XKR4: variants seen among roughly 807,000 people sequenced by gnomAD.
The protein encoded by XKR4 is XK-related protein 4.
A neutral mutation model predicts 53.9 loss-of-function variants in XKR4; 12 were observed. The observed-to-expected ratio is 0.22, with a 90% CI of 0.14 to 0.36. The LOEUF (loss-of-function observed/expected upper bound fraction) is 0.36, where lower values mean the gene tolerates loss of function less well. Ranked by LOEUF, XKR4 falls within the 10% of genes least tolerant of loss-of-function variation. XKR4 has a pLI of 1.00. For synonymous variants in XKR4, 354 were observed against 362.4 expected (o/e 0.98, Z 0.26); for missense variants, 799 against 859.5 (o/e 0.93, Z 0.88).
chr8:55,437,187 A>G (rs1805189357), intron 2 of XKR4, among the ~76,000 whole-genome samples: 1 of 152,052 alleles, frequency 6.6e-6, no homozygotes, highest in Admixed American at 6.6e-5. Context: ...ATTTTCTTTT[A>G]TATCTTTTTT....
rs146483467 is a variant in XKR4, at chr8:55,306,730, C to T, written c.807-50948C>T. On this transcript the variant is annotated intron_variant, in intron 1 of 2. Transcript: ENST00000327381. ...ATTCAAGATGAGATTTGGGTGGGGA[C>T]GCAGCCTGACCTTATCACATGGTAT... Among the ~76,000 whole-genome samples, 371 of 152,258 alleles carry T rather than the reference C, an allele frequency of 2.4e-3. 1 individual carries two copies. The highest frequency in any genetic ancestry group is 7.0e-3 in the African/African-American group (289 of 41,560).
chr8:55,366,805 C>T (rs1288741145), intron 2 of XKR4, among the ~76,000 whole-genome samples: 1 of 152,186 alleles, frequency 6.6e-6, no homozygotes, highest in Non-Finnish European at 1.5e-5. Flanking sequence ...TGGAATTACC[C>T]TCTCTCTCCC....
chr8:55,401,206 C>G (rs1269222006), intron 2 of XKR4, among the ~76,000 whole-genome samples: 1 of 152,204 alleles, frequency 6.6e-6, no homozygotes, highest in Non-Finnish European at 1.5e-5. Context: ...CACCTGCAAC[C>G]TTAGAGGACA....
Position 55,103,903 on chromosome 8 carries a change from A to G in XKR4, c.806+609A>G, listed in dbSNP as rs562969900. Among the ~76,000 whole-genome samples, 17 of 137,364 alleles carry G rather than the reference A, an allele frequency of 1.2e-4. No homozygotes were observed. In the South Asian group the frequency reaches 3.7e-3, roughly 30 times the overall value. The allele number at this position is 137,364 out of a possible 152,430, so 90.1% of individuals were successfully genotyped here. On this transcript the variant is annotated intron_variant, in intron 1 of 2. Transcript: ENST00000327381. ...TATATATATATATATATCCCCGAGCATGATTCAGTAAGCTTTATGGGGCCC... is the reference window on the plus strand; with the variant it reads ...TATATATATATATATATCCCCGAGCGTGATTCAGTAAGCTTTATGGGGCCC...
rs898744884 is a variant in XKR4 at position 55,527,709 on chromosome 8, C to T, written c.*3482C>T. On this transcript the variant is annotated 3_prime_UTR_variant, in exon 3 of 3. Transcript: ENST00000327381. ...TTAGTTACTACTCATTTGTGATAAACGCTGTTAACCCAACAAATATAATAA... is the reference window on the plus strand; with the variant it reads ...TTAGTTACTACTCATTTGTGATAAATGCTGTTAACCCAACAAATATAATAA... 3.9e-5 allele frequency: 6 copies of T among 152,092 alleles called. No homozygotes were observed. Among genetic ancestry groups the T allele is most frequent in the South Asian group, 4.1e-4 (2 of 4,828 alleles). The allele number at this position is 152,092 out of a possible 1,614,324, so 9.4% of individuals were successfully genotyped here.
chr8:55,332,262 A>G (rs975300125), intron 1 of XKR4, among the ~76,000 whole-genome samples: 3 of 152,148 alleles, frequency 2.0e-5, no homozygotes, highest in African/African-American at 7.2e-5. Flanking sequence ...TTCATATAGC[A>G]TATACCCACT....
At chr8:55,465,607 A>C (rs1285800532) in intron 2 of XKR4, among the ~76,000 whole-genome samples, 3 of 151,676 alleles carry the variant, frequency 2.0e-5, no homozygotes, top group Non-Finnish European at 4.4e-5. Flanking sequence ...CACCAAAAGC[A>C]ATGGCAACAA....
intron 2 of XKR4, among the ~76,000 whole-genome samples, chr8:55,442,649 A>G (rs1805288154): frequency 6.6e-6 from 1 of 152,266 alleles, no homozygotes; most frequent in Non-Finnish European, 1.5e-5. Flanking sequence ...AGCCTTAGAA[A>G]GGAATGAAGT....
intron 1 of XKR4, among the ~76,000 whole-genome samples, chr8:55,148,231 C>T (rs1385026013): frequency 6.6e-6 from 1 of 152,006 alleles, no homozygotes; most frequent in East Asian, 1.9e-4. Flanking sequence ...ATGGTGTAAC[C>T]CCGTCTCTAC....
At chr8:55,335,194 C>A (rs1383003008) in intron 1 of XKR4, among the ~76,000 whole-genome samples, 1 of 152,066 alleles carries the variant, frequency 6.6e-6, no homozygotes, top group African/African-American at 2.4e-5. Context: ...ATAAAGTTAA[C>A]AACTATATTA....
intron 1 of XKR4, among the ~76,000 whole-genome samples, chr8:55,325,535 C>G (rs1316256678): frequency 6.6e-6 from 1 of 152,194 alleles, no homozygotes; most frequent in Non-Finnish European, 1.5e-5. Context: ...GAAAACAACT[C>G]TTAAATGTCT....
At chr8:55,434,805 A>G (rs1777734127) in intron 2 of XKR4, among the ~76,000 whole-genome samples, 1 of 152,180 alleles carries the variant, frequency 6.6e-6, no homozygotes, top group Admixed American at 6.5e-5. Context: ...GCTCCTTCAC[A>G]CAGTTACACT....
chr8:55,478,297 C>T (rs998263477), intron 2 of XKR4, among the ~76,000 whole-genome samples: 1 of 152,000 alleles, frequency 6.6e-6, no homozygotes, highest in Admixed American at 6.6e-5. Context: ...TCCAGCCAAA[C>T]TAAGCTTCAT....
intron 1 of XKR4, among the ~76,000 whole-genome samples, chr8:55,153,101 T>A (rs974241162): frequency 3.9e-5 from 6 of 152,198 alleles, no homozygotes; most frequent in African/African-American, 1.4e-4. Context: ...CTTAGTGTGC[T>A]TCCTTGTTTG....
intron 1 of XKR4, among the ~76,000 whole-genome samples, chr8:55,335,352 A>T (rs1032201456): frequency 2.0e-5 from 3 of 151,804 alleles, no homozygotes; most frequent in African/African-American, 4.8e-5. Flanking sequence ...GCAGCAGTTT[A>T]AAAAAAAATC....
intron 1 of XKR4, among the ~76,000 whole-genome samples, chr8:55,130,005 T>A (rs1485092379): frequency 6.6e-6 from 1 of 151,774 alleles, no homozygotes; most frequent in Non-Finnish European, 1.5e-5. Flanking sequence ...TCCGCGGAGG[T>A]GTGGGGTGTG....
intron 1 of XKR4, among the ~76,000 whole-genome samples, chr8:55,320,615 C>G (rs1286790016): frequency 1.3e-5 from 2 of 152,158 alleles, no homozygotes; most frequent in Non-Finnish European, 2.9e-5. Flanking sequence ...AGGTCTGCCT[C>G]AGATCCTAAC....
intron 2 of XKR4, among the ~76,000 whole-genome samples, chr8:55,387,743 C>T (rs1804344437): frequency 1.3e-5 from 2 of 152,188 alleles, no homozygotes; most frequent in Non-Finnish European, 2.9e-5. Flanking sequence ...ATCCTCTTGG[C>T]TGTACCCACA....
At chr8:55,308,033 T>A (rs1009004233) in intron 1 of XKR4, among the ~76,000 whole-genome samples, 2 of 152,114 alleles carry the variant, frequency 1.3e-5, no homozygotes, top group East Asian at 3.9e-4. Flanking sequence ...GGCGGGCAGA[T>A]CACGAGGTCA....
Sources: gnomAD v4.1 joint callset for allele counts (sites outside exome capture counted in the v4.1 genomes callset) on GRCh38, gnomAD v4.1.1 for gene constraint, MANE v1.5 for transcripts, NCBI Gene and HGNC (gene_info 2026-07-23, HGNC 2026-07-21) for gene names.